The following TMEM132B variants were observed in gnomAD, a reference collection of about 807,000 sequenced individuals.
The protein encoded by TMEM132B is transmembrane protein 132B.
In TMEM132B, 18 loss-of-function variants were observed where a neutral mutation model predicts 90.8. The observed-to-expected ratio is 0.20, with a 90% confidence interval of 0.14 to 0.29. The LOEUF (loss-of-function observed/expected upper bound fraction) is 0.29, where lower values mean the gene tolerates loss of function less well. Among genes scored for constraint, TMEM132B ranks in the 10% least tolerant of loss-of-function variants. The probability of loss-of-function intolerance (pLI) is 1.00; values close to 1 mark genes in which losing one functional copy is unlikely to be tolerated. For missense variants in TMEM132B, 1,096 were observed against 1,326.8 expected, an observed-to-expected ratio of 0.83 and a Z score of 2.70; for synonymous variants, 504 against 523.3, an observed-to-expected ratio of 0.96 and a Z score of 0.50.
chr12:125,329,550 G>T (rs1387737078), intron 1 of TMEM132B, among the ~76,000 whole-genome samples: 8 of 152,200 alleles, frequency 5.3e-5, no homozygotes, highest in Admixed American at 5.2e-4. Context: ...ATGAGGCACT[G>T]ACTTGAGGAG....
chr12:125,276,835 T>G (rs1436055792), intron 1 of TMEM132B, among the ~76,000 whole-genome samples: 1 of 152,138 alleles, frequency 6.6e-6, no homozygotes, highest in Non-Finnish European at 1.5e-5. Context: ...TGTTTAAGTC[T>G]GAAGAGAGGA....
chr12:125,280,298 A>G (rs932315501), intron 1 of TMEM132B, among the ~76,000 whole-genome samples: 1 of 152,238 alleles, frequency 6.6e-6, no homozygotes, highest in Non-Finnish European at 1.5e-5. Flanking sequence ...TCTGATCACC[A>G]TGCATTATTT....
intron 3 of TMEM132B, among the ~76,000 whole-genome samples, chr12:125,504,139 GAACCTGC>G (rs1344249975): frequency 2.0e-5 from 3 of 152,128 alleles, no homozygotes; most frequent in African/African-American, 7.2e-5. Context: ...GGGATTACAG[GAACCTGC>G]AAATCCCTTC....
chr12:125,382,143 G>A (rs1328609049), intron 2 of TMEM132B, among the ~76,000 whole-genome samples: 1 of 152,084 alleles, frequency 6.6e-6, no homozygotes, highest in African/African-American at 2.4e-5. Flanking sequence ...ATTCTTCCTT[G>A]ACTGTTTGGC....
intron 5 of TMEM132B, among the ~76,000 whole-genome samples, chr12:125,601,875 A>C (rs144301959): frequency 0.013 from 1,942 of 152,332 alleles, 49 homozygotes; most frequent in African/African-American, 0.045. Context: ...GAAATGGATA[A>C]ATTCCTGGAC....
chr12:125,588,990 T>C (rs1273365959), intron 5 of TMEM132B, among the ~76,000 whole-genome samples: 1 of 152,192 alleles, frequency 6.6e-6, no homozygotes, highest in Non-Finnish European at 1.5e-5. Flanking sequence ...TGTAATATAT[T>C]AATACATATT....
chr12:125,422,979 A>T (rs1055622664), intron 3 of TMEM132B, among the ~76,000 whole-genome samples: 2 of 152,184 alleles, frequency 1.3e-5, no homozygotes, highest in Non-Finnish European at 2.9e-5. Context: ...CCTGTTGAAT[A>T]AGCAGGTTGA....
intron 3 of TMEM132B, among the ~76,000 whole-genome samples, chr12:125,427,041 G>T (rs1348956390): frequency 1.3e-5 from 2 of 152,200 alleles, no homozygotes; most frequent in Admixed American, 1.3e-4. Flanking sequence ...CTGGGAAGGT[G>T]ACCTATTAAA....
At chr12:125,533,286 T>C (rs1314652113) in intron 4 of TMEM132B, among the ~76,000 whole-genome samples, 2 of 152,250 alleles carry the variant, frequency 1.3e-5, no homozygotes, top group African/African-American at 4.8e-5. Flanking sequence ...AGTTTGTTTC[T>C]TATTTTTGTT....
At chr12:125,431,852 G>T (rs7303199) in intron 3 of TMEM132B, among the ~76,000 whole-genome samples, 2 of 151,914 alleles carry the variant, frequency 1.3e-5, no homozygotes, top group Admixed American at 1.3e-4. Context: ...ACAGCCATTG[G>T]TCATGGGATT....
intron 4 of TMEM132B, among the ~76,000 whole-genome samples, chr12:125,552,188 GT>G (rs1424841063): frequency 1.4e-4 from 21 of 152,210 alleles, no homozygotes; most frequent in African/African-American, 4.1e-4. Context: ...TTATTAGATC[GT>G]GGCCCTGTAT....
At chr12:125,278,591 A>G (rs1040018696) in intron 1 of TMEM132B, among the ~76,000 whole-genome samples, 1 of 151,348 alleles carries the variant, frequency 6.6e-6, no homozygotes, top group Non-Finnish European at 1.5e-5. Context: ...CTGGCTAGGT[A>G]TTGAGCATTG....
chr12:125,476,979 A>G (rs780689214), intron 3 of TMEM132B, among the ~76,000 whole-genome samples: 4 of 152,182 alleles, frequency 2.6e-5, no homozygotes, highest in Non-Finnish European at 5.9e-5. Flanking sequence ...CTCCACCCAG[A>G]TTGGTAGTTG....
intron 5 of TMEM132B, among the ~76,000 whole-genome samples, chr12:125,606,878 C>T (rs1391353354): frequency 2.0e-5 from 3 of 152,210 alleles, no homozygotes; most frequent in Non-Finnish European, 2.9e-5. Flanking sequence ...AGCAAATATC[C>T]TCACAGCTCA....
chr12:125,465,964 G>C (rs1881553134), intron 3 of TMEM132B, among the ~76,000 whole-genome samples: 1 of 152,050 alleles, frequency 6.6e-6, no homozygotes, highest in South Asian at 2.1e-4. Context: ...GCAGCTGCTG[G>C]CACCATGCTT....
chr12:125,404,702 C>T (rs1879415341), intron 2 of TMEM132B, among the ~76,000 whole-genome samples: 2 of 152,182 alleles, frequency 1.3e-5, no homozygotes, highest in Non-Finnish European at 2.9e-5. Context: ...TTATCCAAGG[C>T]CTCACAGCTA....
intron 3 of TMEM132B, among the ~76,000 whole-genome samples, chr12:125,453,017 C>T (rs1881195264): frequency 6.6e-6 from 1 of 151,882 alleles, no homozygotes. Flanking sequence ...ACACTAAAAT[C>T]TCAAGGCTTG....
intron 1 of TMEM132B, among the ~76,000 whole-genome samples, chr12:125,319,471 T>C (rs1408064782): frequency 6.6e-6 from 1 of 152,206 alleles, no homozygotes; most frequent in Admixed American, 6.5e-5. Context: ...TGGAAGCCTC[T>C]CTTCTGCTGT....
intron 1 of TMEM132B, among the ~76,000 whole-genome samples, chr12:125,292,448 G>T (rs778848055): frequency 5.9e-5 from 9 of 152,300 alleles, no homozygotes; most frequent in Admixed American, 1.3e-4. Context: ...GTTGAGTTTG[G>T]TCATGAAAGT....
Sources: gnomAD v4.1 joint callset for allele counts (sites outside exome capture counted in the v4.1 genomes callset) on GRCh38, gnomAD v4.1.1 for gene constraint, MANE v1.5 for transcripts, NCBI Gene and HGNC (gene_info 2026-07-23, HGNC 2026-07-21) for gene names.